Variants in SPIDR observed in about 807,000 individuals in gnomAD.
SPIDR encodes the protein DNA repair-scaffolding protein.
A neutral mutation model predicts 104.6 loss-of-function variants in SPIDR; 93 were observed. The observed-to-expected ratio is 0.89, with a 90% CI of 0.75 to 1.06. SPIDR has a LOEUF of 1.06. Ranked by LOEUF, SPIDR falls within the 50% of genes least tolerant of loss-of-function variation. The probability of loss-of-function intolerance (pLI) is 0.00; values close to 1 mark genes in which losing one functional copy is unlikely to be tolerated. For missense variants in SPIDR, 1,154 were observed against 1,111.2 expected (o/e 1.04, Z -0.55); for synonymous variants, 431 against 416.9 (o/e 1.03, Z -0.41).
At chr8:47,575,581 A>G (rs540099147) in intron 8 of SPIDR, among the ~76,000 whole-genome samples, 113 of 147,668 alleles carry the variant, frequency 7.7e-4, no homozygotes, top group African/African-American at 2.7e-3. Context: ...CGGGAGGCGG[A>G]GCTTGCAGTG....
chr8:47,577,710 A>AT (rs1411414711), intron 8 of SPIDR, among the ~76,000 whole-genome samples: 2 of 152,180 alleles, frequency 1.3e-5, no homozygotes, highest in East Asian at 1.9e-4. Flanking sequence ...GTAGAGGTAA[A>AT]TGGTCTTGTG....
chr8:47,700,668 A>G (rs1251270224), intron 12 of SPIDR, among the ~76,000 whole-genome samples, 178 bp downstream of exon 12: 2 of 152,234 alleles, frequency 1.3e-5, no homozygotes. Context: ...ATTGGGATTC[A>G]GGTGCCTGGA....
At chr8:47,265,672 A>C (rs1554546099) in intron 1 of SPIDR, among the ~76,000 whole-genome samples, 1 of 152,198 alleles carries the variant, frequency 6.6e-6, no homozygotes, top group African/African-American at 2.4e-5. Context: ...GTTTGTTGTA[A>C]AACTCAGCAG....
chr8:47,462,667 G>C (rs2074136507), intron 8 of SPIDR, among the ~76,000 whole-genome samples: 1 of 151,986 alleles, frequency 6.6e-6, no homozygotes. Flanking sequence ...TAAGGTACTA[G>C]AAAAAAAGAA....
chr8:47,331,981 T>TC (rs2048783601), intron 5 of SPIDR, among the ~76,000 whole-genome samples: 1 of 65,342 alleles, frequency 1.5e-5, no homozygotes, highest in Admixed American at 1.3e-4. Context: ...TTTTTTTTTT[T>TC]TTTTTCTCTT....
At chr8:47,521,529 T>G (rs966641283) in intron 8 of SPIDR, among the ~76,000 whole-genome samples, 1 of 148,968 alleles carries the variant, frequency 6.7e-6, no homozygotes, top group African/African-American at 2.5e-5. Context: ...ATTCAAGCAA[T>G]TCTCCTGCCT....
intron 14 of SPIDR, among the ~76,000 whole-genome samples, chr8:47,702,733 C>T (rs2080484656): frequency 6.6e-6 from 1 of 152,212 alleles, no homozygotes; most frequent in South Asian, 2.1e-4. Flanking sequence ...CTCTTGTCCA[C>T]TCATGGGCAA....
At chr8:47,356,220 G>T (rs1227132964) in intron 5 of SPIDR, among the ~76,000 whole-genome samples, 1 of 152,162 alleles carries the variant, frequency 6.6e-6, no homozygotes, top group Non-Finnish European at 1.5e-5. Context: ...CGTGAAAATA[G>T]AATTGGTGAT....
At chr8:47,353,349 A>G (rs1185640488) in intron 5 of SPIDR, among the ~76,000 whole-genome samples, 9 of 152,130 alleles carry the variant, frequency 5.9e-5, no homozygotes, top group Non-Finnish European at 1.2e-4. Context: ...TCCAGCTGCA[A>G]CGCGTGAGAG....
chr8:47,603,027 A>G (rs2062483858), intron 10 of SPIDR, among the ~76,000 whole-genome samples: 1 of 152,172 alleles, frequency 6.6e-6, no homozygotes, highest in South Asian at 2.1e-4. Context: ...GTAACAAAAA[A>G]CTGATGCAGA....
chr8:47,490,307 C>G (rs1214529900), intron 8 of SPIDR, among the ~76,000 whole-genome samples: 2 of 152,154 alleles, frequency 1.3e-5, no homozygotes, highest in African/African-American at 4.8e-5. Context: ...GATACCATGT[C>G]ACACCAGTTA....
chr8:47,653,971 G>GA (rs1425015171), intron 10 of SPIDR: 101 of 1,247,772 alleles, frequency 8.1e-5, no homozygotes, highest in Non-Finnish European at 1.0e-4. Flanking sequence ...GTTTGACTTT[G>GA]AAAAATGATA....
intron 10 of SPIDR, among the ~76,000 whole-genome samples, chr8:47,634,482 G>A (rs1442942626): frequency 1.3e-5 from 2 of 151,924 alleles, no homozygotes. Flanking sequence ...AATGAAAAAA[G>A]AACTTTTCCA....
chr8:47,589,261 C>A (rs1162975680), intron 8 of SPIDR, among the ~76,000 whole-genome samples: 3 of 151,884 alleles, frequency 2.0e-5, no homozygotes, highest in African/African-American at 7.3e-5. Context: ...TGGCTCACAC[C>A]TATAATCCCA....
chr8:47,326,364 G>A (rs2047667524), intron 5 of SPIDR, among the ~76,000 whole-genome samples: 1 of 152,104 alleles, frequency 6.6e-6, no homozygotes, highest in South Asian at 2.1e-4. Context: ...AAGAATGTTT[G>A]CTTTCAGCCT....
chr8:47,393,393 T>A (rs1437900583), intron 5 of SPIDR, among the ~76,000 whole-genome samples: 1 of 152,132 alleles, frequency 6.6e-6, no homozygotes, highest in African/African-American at 2.4e-5. Context: ...CAGCGTAGTT[T>A]CCTCCCTCTC....
intron 5 of SPIDR, chr8:47,360,854 C>G: frequency 1.0e-6 from 1 of 985,422 alleles, no homozygotes; most frequent in African/African-American, 1.7e-5. Flanking sequence ...TTTCAGCCTT[C>G]TTCTTGGACG....
At chr8:47,430,496 G>A (rs968156072) in intron 7 of SPIDR, among the ~76,000 whole-genome samples, 4 of 106,604 alleles carry the variant, frequency 3.8e-5, no homozygotes, top group Non-Finnish European at 7.9e-5. Context: ...CAGTGGGGAC[G>A]CGCTGGACTC....
intron 10 of SPIDR, among the ~76,000 whole-genome samples, chr8:47,659,953 C>G (rs1435913710): frequency 2.0e-5 from 3 of 152,208 alleles, no homozygotes; most frequent in African/African-American, 7.2e-5. Context: ...CCCACATAGC[C>G]ACTTAATCTG....
Sources: gnomAD v4.1 joint callset for allele counts (sites outside exome capture counted in the v4.1 genomes callset) on GRCh38, gnomAD v4.1.1 for gene constraint, MANE v1.5 for transcripts, NCBI Gene and HGNC (gene_info 2026-07-23, HGNC 2026-07-21) for gene names.